Variants in TARS3 observed in about 807,000 individuals in gnomAD.
TARS3 encodes threonyl-tRNA synthetase 3.
A neutral mutation model predicts 103.5 loss-of-function variants in TARS3; 94 were observed. The observed-to-expected ratio is 0.91, with a 90% confidence interval of 0.77 to 1.08. The LOEUF (loss-of-function observed/expected upper bound fraction) is 1.08. Ranked by LOEUF, TARS3 falls within the 50% of genes least tolerant of loss-of-function variation. The probability of loss-of-function intolerance (pLI) is 0.00; values close to 1 mark genes in which losing one functional copy is unlikely to be tolerated. For synonymous variants in TARS3, 416 were observed against 355.4 expected (o/e 1.17, Z -1.92); for missense variants, 952 against 995.2 (o/e 0.96, Z 0.58).
chr15:101,679,606 T>C (rs1898174726), intron 12 of TARS3, among the ~76,000 whole-genome samples: 1 of 152,254 alleles, frequency 6.6e-6, no homozygotes, highest in Non-Finnish European at 1.5e-5. Context: ...AATTGTAACA[T>C]CTTTGTTATT....
intron 2 of TARS3, 75 bp from the exon 3 acceptor site, chr15:101,721,397 C>T (rs536607137): frequency 7.7e-6 from 9 of 1,164,442 alleles, no homozygotes; most frequent in African/African-American, 4.5e-5. Context: ...CTGAATCAGG[C>T]TCACCCCCTT....
At chr15:101,707,860 C>G (rs973407496) in intron 6 of TARS3, among the ~76,000 whole-genome samples, 1 of 152,152 alleles carries the variant, frequency 6.6e-6, no homozygotes, top group Non-Finnish European at 1.5e-5. Flanking sequence ...ATATATTTTA[C>G]TGCACAAAAA....
Position 101,714,865 on chromosome 15 carries a change from G to A in TARS3, c.665C>T (p.Thr222Ile), listed in dbSNP as rs567922637. The change falls in exon 4 of 19, where the codon ACA (threonine) becomes ATA (isoleucine). Residue 222 changes from threonine (T) to isoleucine (I), a missense_variant. Coordinates refer to ENST00000335968, the MANE Select transcript of TARS3 (RefSeq NM_152334.3). ...LEGDSSLELL[T>I]FDNEEAQAVY... is the part of the protein sequence containing the mutation. ...AGCTTGAGCTTCCTCATTATCAAATGTAAGCAGCTCTAGAGAAGAGTCCCC... is the reference window on the plus strand; with the variant it reads ...AGCTTGAGCTTCCTCATTATCAAATATAAGCAGCTCTAGAGAAGAGTCCCC... The A allele has an allele frequency of 5.0e-6, 8 of 1,610,260 alleles. No individual in the cohort carries two copies. The South Asian group carries it at 5.5e-5, about 11-fold the overall frequency.
In TARS3 at chr15:101,661,734, A is replaced by C. The variant is rs764493004; in HGVS notation, c.2050T>G (p.Ser684Ala). ...GSVERMIAIL[S>A]ENYGGKWPFW... Reference sequence around the variant, plus strand: ...TACCATTTTCCGCCATAGTTTTCTGAAAGAATGGCTATCATTCTTTCCACT... The same window carrying C: ...TACCATTTTCCGCCATAGTTTTCTGCAAGAATGGCTATCATTCTTTCCACT... The change falls in exon 16 of 19, where the codon TCA (serine) becomes GCA (alanine). Residue 684 changes from serine to alanine, a missense_variant. Physicochemically the swap from Ser to Ala is moderately conservative, Grantham distance 99. Coordinates refer to ENST00000335968, the MANE Select transcript of TARS3 (RefSeq NM_152334.3). The C allele has an allele frequency of 3.1e-6, 5 of 1,605,866 alleles. No individual in the cohort carries two copies. Among genetic ancestry groups the C allele is most frequent in the Non-Finnish European group, 4.3e-6 (5 of 1,175,270 alleles).
rs1054192677 is a variant in TARS3 at position 101,665,001 on chromosome 15, G to A, written c.1968-3185C>T. Reference sequence around the variant, plus strand: ...ATTCGATGGATTCAGTAGCAACAGAGATGGTAAAGAGTTGGTGAATTTGAA... The same window carrying A: ...ATTCGATGGATTCAGTAGCAACAGAAATGGTAAAGAGTTGGTGAATTTGAA... On this transcript the variant is annotated intron_variant, in intron 15 of 18. Coordinates refer to ENST00000335968, the MANE Select transcript of TARS3 (RefSeq NM_152334.3). Among the ~76,000 whole-genome samples, 20 of 152,332 alleles carry A rather than the reference G, an allele frequency of 1.3e-4. 1 individual carries two copies. The South Asian group carries it at 3.1e-3, about 24-fold the overall frequency.
chr15:101,723,230 G>A (rs1374349419), intron 1 of TARS3, 66 bp from the exon 2 acceptor site: 4 of 1,466,520 alleles, frequency 2.7e-6, no homozygotes, highest in Non-Finnish European at 3.8e-6. Flanking sequence ...TAAGAAGAGA[G>A]TCATGCCAGC....
intron 10 of TARS3, chr15:101,699,512 TGA>T: frequency 2.2e-6 from 1 of 453,936 alleles, no homozygotes; most frequent in Non-Finnish European, 4.4e-6. Context: ...ACTCCCAACT[TGA>T]GAGTACAAGG....
At chr15:101,671,452 A>T (rs1897799769) in intron 15 of TARS3, 34 bp downstream of exon 15, 1 of 1,480,530 alleles carries the variant, frequency 6.8e-7, no homozygotes, top group African/African-American at 1.4e-5. Flanking sequence ...TTAGAATATT[A>T]GTACTATAAT....
rs1234697283 is a variant in TARS3, at chr15:101,656,923, C to A, written c.2259G>T (p.Leu753Phe). 1.9e-6 allele frequency: 3 copies of A among 1,591,774 alleles called. No homozygotes were observed. The East Asian group carries it at 6.7e-5, about 36-fold the overall frequency. ...NAQLAQYNFILVVGEKEKIDN... is the reference protein window; with the variant it reads ...NAQLAQYNFIFVVGEKEKIDN... ...AAAATATATACAAACTTAAATTACC[C>A]AAAATAAAATTATACTGAGCCAGCT... The change falls in exon 18 of 19, where the codon TTG (leucine) becomes TTT (phenylalanine). Residue 753 changes from leucine (L) to phenylalanine (F), a missense_variant and splice_region_variant. This residue lies in a region of TARS3 where 540 missense variants were observed against 631.0 expected (regional missense o/e 0.86). Transcript: ENST00000335968.
At chr15:101,678,748 C>T (rs989464958) in intron 12 of TARS3, among the ~76,000 whole-genome samples, 3 of 152,000 alleles carry the variant, frequency 2.0e-5, no homozygotes, top group Admixed American at 1.3e-4. Flanking sequence ...TTGTATTTAC[C>T]TGTTTTTATT....
intron 15 of TARS3, among the ~76,000 whole-genome samples, chr15:101,670,366 G>A (rs1897747876): frequency 6.6e-6 from 1 of 152,088 alleles, no homozygotes; most frequent in South Asian, 2.1e-4. Context: ...AAAGACTTTG[G>A]CAGACTTTTA....
chr15:101,674,384 T>C (rs1897937137), intron 13 of TARS3, among the ~76,000 whole-genome samples: 1 of 152,180 alleles, frequency 6.6e-6, no homozygotes, highest in African/African-American at 2.4e-5. Context: ...TATGCTGAAG[T>C]TGCTAAGAGC....
intron 10 of TARS3, among the ~76,000 whole-genome samples, chr15:101,690,760 G>A (rs1445825296): frequency 6.6e-6 from 1 of 152,082 alleles, no homozygotes; most frequent in Non-Finnish European, 1.5e-5. Context: ...CTGCAGTAAA[G>A]TTTTTTTCTA....
At chr15:101,656,773 C>A in intron 18 of TARS3, 149 bp downstream of exon 18, 1 of 573,566 alleles carries the variant, frequency 1.7e-6, no homozygotes. Context: ...AACAGCTAAG[C>A]TAGGAATGCT....
intron 1 of TARS3, 33 bp from the exon 2 acceptor site, chr15:101,723,197 T>C (rs1900578380): frequency 6.3e-7 from 1 of 1,589,914 alleles, no homozygotes; most frequent in Non-Finnish European, 8.6e-7. Context: ...CTCACATCAA[T>C]GGCAAGAAAA....
At chr15:101,658,759 A>G (rs1897271857) in intron 16 of TARS3, among the ~76,000 whole-genome samples, 2 of 152,204 alleles carry the variant, frequency 1.3e-5, no homozygotes, top group African/African-American at 4.8e-5. Context: ...CCATTGAGGA[A>G]AACTGGGTAA....
At chr15:101,672,803 C>G (rs1897863577) in intron 13 of TARS3, among the ~76,000 whole-genome samples, 2 of 152,206 alleles carry the variant, frequency 1.3e-5, no homozygotes, top group African/African-American at 4.8e-5. Context: ...GGAGGCTGCG[C>G]TCCCCTGTTC....
At chr15:101,674,059 T>C (rs1029200538) in intron 13 of TARS3, among the ~76,000 whole-genome samples, 2 of 152,184 alleles carry the variant, frequency 1.3e-5, no homozygotes, top group Non-Finnish European at 2.9e-5. Flanking sequence ...AAGTTTTAAA[T>C]TGGGCACTGC....
intron 1 of TARS3, 52 bp from the exon 2 acceptor site, chr15:101,723,216 AT>A (rs1208861175): frequency 6.5e-7 from 1 of 1,537,738 alleles, no homozygotes; most frequent in African/African-American, 1.4e-5. Context: ...AAAGCAACAC[AT>A]TTTAAGAAGA....
Sources: allele counts gnomAD v4.1 joint callset (sites outside exome capture counted in the v4.1 genomes callset), GRCh38; gene constraint gnomAD v4.1.1; regional missense constraint gnomAD v4.1.1; transcripts MANE v1.5; gene names NCBI Gene and HGNC (gene_info 2026-07-23, HGNC 2026-07-21).